The following MYO3B variants were observed in gnomAD, a reference collection of about 807,000 sequenced individuals.
MYO3B encodes myosin-IIIb.
A neutral mutation model predicts 174.6 loss-of-function variants in MYO3B; 156 were observed. The ratio of observed to expected loss-of-function variants is 0.89; its 90% CI spans 0.78 to 1.02. MYO3B has a LOEUF of 1.02. Among genes scored for constraint, MYO3B ranks in the 50% least tolerant of loss-of-function variants. The probability of loss-of-function intolerance (pLI) is 0.00; values close to 1 mark genes in which losing one functional copy is unlikely to be tolerated. For missense variants in MYO3B, 1,632 were observed against 1,639.4 expected, an observed-to-expected ratio of 1.00 and a Z score of 0.08; for synonymous variants, 563 against 569.1, an observed-to-expected ratio of 0.99 and a Z score of 0.15.
intron 32 of MYO3B, among the ~76,000 whole-genome samples, chr2:170,636,374 T>C (rs1697478068): frequency 6.6e-6 from 1 of 151,588 alleles, no homozygotes; most frequent in Non-Finnish European, 1.5e-5. Context: ...GTTATGTTAT[T>C]GAAAAGAAAA....
At chr2:170,511,411 C>T (rs1158232220) in intron 28 of MYO3B, among the ~76,000 whole-genome samples, 3 of 152,138 alleles carry the variant, frequency 2.0e-5, no homozygotes, top group African/African-American at 7.2e-5. Context: ...AAGTAAATAA[C>T]TTTGCTTCAC....
rs796215291 is a variant in MYO3B at position 170,484,923 on chromosome 2, GT to G, written c.3015-13667del. Among the ~76,000 whole-genome samples, 90 of 152,188 alleles carry G rather than the reference GT, an allele frequency of 5.9e-4. 1 individual carries two copies. Among genetic ancestry groups the G allele is most frequent in the African/African-American group, 2.1e-3 (88 of 41,522 alleles). ...TTATCAGATTATCCAAGCCAAAATA[GT>G]TCTGCTACCTCCATTATCTACATAA... On this transcript the variant is annotated intron_variant, in intron 25 of 34. Transcript: ENST00000408978.
intron 8 of MYO3B, chr2:170,350,414 A>G (rs1453439023): frequency 1.3e-5 from 2 of 152,188 alleles, no homozygotes; most frequent in African/African-American, 4.8e-5. Context: ...TTCCTCTCCA[A>G]AAGCTTCTGC....
chr2:170,310,003 G>T (rs777770423), intron 7 of MYO3B, among the ~76,000 whole-genome samples: 1 of 152,044 alleles, frequency 6.6e-6, no homozygotes, highest in African/African-American at 2.4e-5. Flanking sequence ...TTATATAAGC[G>T]GAATTATACA....
chr2:170,653,434 C>A lies in MYO3B; in HGVS notation c.*313C>A. ...CCCCAGTGTCTAGGAAGATAACAGC[C>A]AGTCTCACCCCAGTCTAATCATGGA... On this transcript the variant is annotated 3_prime_UTR_variant, in exon 35 of 35. Transcript: ENST00000408978. 3.2e-6 allele frequency: 1 copy of A among 308,878 alleles called. No individual in the cohort carries two copies. The highest frequency in any genetic ancestry group is 6.0e-6 in the Non-Finnish European group (1 of 166,402). The allele number at this position is 308,878 out of a possible 1,614,324, so 19.1% of individuals were successfully genotyped here.
intron 3 of MYO3B, among the ~76,000 whole-genome samples, chr2:170,213,294 A>C (rs1008518486): frequency 1.3e-5 from 2 of 152,124 alleles, no homozygotes; most frequent in African/African-American, 4.8e-5. Flanking sequence ...TGAGTGAGCA[A>C]TTCCTGTCCC....
At chr2:170,260,426 T>C (rs2093337093) in intron 7 of MYO3B, among the ~76,000 whole-genome samples, 1 of 152,208 alleles carries the variant, frequency 6.6e-6, no homozygotes, top group African/African-American at 2.4e-5. Context: ...AGCTGGATGC[T>C]ATTATCCTAA....
chr2:170,311,815 T>C (rs1367370651), intron 7 of MYO3B, among the ~76,000 whole-genome samples: 1 of 152,218 alleles, frequency 6.6e-6, no homozygotes, highest in Non-Finnish European at 1.5e-5. Context: ...ACTTCGTCTT[T>C]TGTGTCTGTA....
chr2:170,189,785 C>A (rs757970169), intron 1 of MYO3B, among the ~76,000 whole-genome samples: 10 of 152,050 alleles, frequency 6.6e-5, no homozygotes, highest in Non-Finnish European at 1.0e-4. Flanking sequence ...ATTTTGAATT[C>A]TCTGCCTGAA....
intron 29 of MYO3B, among the ~76,000 whole-genome samples, chr2:170,516,012 T>C (rs1341622867): frequency 6.6e-6 from 1 of 152,196 alleles, no homozygotes; most frequent in African/African-American, 2.4e-5. Flanking sequence ...TATTACTGAC[T>C]GAGGGTGCAG....
intron 7 of MYO3B, among the ~76,000 whole-genome samples, chr2:170,258,679 A>G (rs1338192169): frequency 6.6e-6 from 1 of 152,142 alleles, no homozygotes; most frequent in Non-Finnish European, 1.5e-5. Flanking sequence ...CACTACTTCT[A>G]TATGTCATAG....
chr2:170,281,352 G>GACCAC (rs1281131711), intron 7 of MYO3B, among the ~76,000 whole-genome samples: 2 of 151,958 alleles, frequency 1.3e-5, no homozygotes, highest in African/African-American at 2.4e-5. Context: ...CTCTAATATT[G>GACCAC]ACCACATAAT....
intron 32 of MYO3B, among the ~76,000 whole-genome samples, chr2:170,580,692 G>A (rs1693077458): frequency 6.9e-6 from 1 of 145,652 alleles, no homozygotes; most frequent in East Asian, 2.0e-4. Context: ...AATTGTATAA[G>A]CTTCAGGTCC....
chr2:170,210,779 A>G (rs1211829450), intron 3 of MYO3B, among the ~76,000 whole-genome samples: 1 of 152,240 alleles, frequency 6.6e-6, no homozygotes, highest in African/African-American at 2.4e-5. Context: ...TTAAAGTCAC[A>G]TGAACTAAAA....
chr2:170,459,912 G>A (rs916389205), intron 23 of MYO3B, among the ~76,000 whole-genome samples: 4 of 152,082 alleles, frequency 2.6e-5, no homozygotes, highest in East Asian at 3.9e-4. Flanking sequence ...CTGGCCAGCC[G>A]CTTCCAGTGC....
intron 7 of MYO3B, among the ~76,000 whole-genome samples, chr2:170,240,953 C>T (rs1157728): frequency 0.56 from 84,973 of 151,558 alleles, 24,000 homozygotes; most frequent in East Asian, 0.71. Context: ...TTGTGGAATA[C>T]ATGTTACATA....
chr2:170,181,500 G>C (rs976619334), intron 1 of MYO3B, among the ~76,000 whole-genome samples: 3 of 151,982 alleles, frequency 2.0e-5, no homozygotes, highest in African/African-American at 7.2e-5. Flanking sequence ...AGACATCCTT[G>C]GCTTCTGATC....
intron 22 of MYO3B, among the ~76,000 whole-genome samples, chr2:170,433,182 T>C (rs2094725480): frequency 6.6e-6 from 1 of 152,222 alleles, no homozygotes; most frequent in Non-Finnish European, 1.5e-5. Flanking sequence ...TAATTGCCTA[T>C]AGTATTCCAT....
At chr2:170,560,790 G>A (rs924964261) in intron 32 of MYO3B, among the ~76,000 whole-genome samples, 6 of 152,146 alleles carry the variant, frequency 3.9e-5, no homozygotes, top group Admixed American at 3.9e-4. Flanking sequence ...TAAATGGAAA[G>A]AGCTCTAGAT....
Sources: allele counts gnomAD v4.1 joint callset (sites outside exome capture counted in the v4.1 genomes callset), GRCh38; gene constraint gnomAD v4.1.1; transcripts MANE v1.5; gene names NCBI Gene and HGNC (gene_info 2026-07-23, HGNC 2026-07-21).